The following COG6 variants were observed in gnomAD, a reference collection of about 807,000 sequenced individuals.
COG6 encodes the protein component of oligomeric golgi complex 6, also known as conserved oligomeric Golgi complex subunit 6.
Under a neutral mutation model 88.8 loss-of-function variants are expected in COG6, and 74 were observed. The ratio of observed to expected loss-of-function variants is 0.83; its 90% CI spans 0.69 to 1.01. COG6 has a LOEUF of 1.01. Ranked by LOEUF, COG6 falls within the 50% of genes least tolerant of loss-of-function variation. COG6 has a pLI of 0.00. For synonymous variants in COG6, 286 were observed against 278.7 expected (o/e 1.03, Z -0.26); for missense variants, 800 against 797.9 (o/e 1.00, Z -0.03).
At chr13:39,682,384 A>G (rs1449622865) in intron 8 of COG6, 120 bp downstream of exon 8, 1 of 670,418 alleles carries the variant, frequency 1.5e-6, no homozygotes, top group Non-Finnish European at 2.7e-6. Context: ...ATAATTTACA[A>G]CAATACTGTT....
intron 17 of COG6, among the ~76,000 whole-genome samples, chr13:39,726,325 T>G (rs1471733242): frequency 6.6e-6 from 1 of 151,932 alleles, no homozygotes; most frequent in Non-Finnish European, 1.5e-5. Flanking sequence ...TGCTAAGAAT[T>G]GGGATGAAAA....
intron 18 of COG6, among the ~76,000 whole-genome samples, chr13:39,773,899 T>A (rs1881388747): frequency 6.6e-6 from 1 of 150,496 alleles, no homozygotes; most frequent in Non-Finnish European, 1.5e-5. Flanking sequence ...CAATCATGTC[T>A]AAATACTGAC....
intron 18 of COG6, among the ~76,000 whole-genome samples, chr13:39,744,677 T>C (rs1174291928): frequency 6.6e-6 from 1 of 152,144 alleles, no homozygotes; most frequent in Non-Finnish European, 1.5e-5. Context: ...ATGGCCATAC[T>C]ACCCAAGATA....
intron 5 of COG6, 25 bp downstream of exon 5, chr13:39,677,604 A>G: frequency 2.1e-6 from 3 of 1,401,782 alleles, no homozygotes; most frequent in East Asian, 4.6e-5. Flanking sequence ...TGTTATAATC[A>G]TTTAAAGTTT....
intron 8 of COG6, among the ~76,000 whole-genome samples, chr13:39,686,822 C>T (rs981716884): frequency 2.4e-4 from 37 of 152,074 alleles, no homozygotes; most frequent in African/African-American, 8.7e-4. Flanking sequence ...CTGAACCTCA[C>T]GGGCTCAAGT....
intron 18 of COG6, among the ~76,000 whole-genome samples, chr13:39,729,752 A>G (rs952749541): frequency 6.6e-6 from 1 of 152,204 alleles, no homozygotes; most frequent in Admixed American, 6.5e-5. Context: ...GCATTTTCAC[A>G]CTTTTTTGAA....
chr13:39,709,699 A>G (rs941367826), intron 13 of COG6, among the ~76,000 whole-genome samples: 1 of 152,012 alleles, frequency 6.6e-6, no homozygotes, highest in African/African-American at 2.4e-5. Flanking sequence ...GTGTGTGTGT[A>G]TATGTGATAT....
At chr13:39,741,951 A>G (rs964932118) in intron 18 of COG6, among the ~76,000 whole-genome samples, 3 of 152,208 alleles carry the variant, frequency 2.0e-5, no homozygotes, top group African/African-American at 4.8e-5. Flanking sequence ...TCAATATTCA[A>G]CATTCTTAAA....
At chr13:39,736,205 CTT>C (rs1324223543) in intron 18 of COG6, among the ~76,000 whole-genome samples, 1 of 150,050 alleles carries the variant, frequency 6.7e-6, no homozygotes, top group Non-Finnish European at 1.5e-5. Flanking sequence ...ATTCCTTTTT[CTT>C]TTGTCTCCTC....
Position 39,752,261 on chromosome 13 carries a change from A to C in COG6, c.*1168A>C, listed in dbSNP as rs1880681093. The stretch of plus-strand genomic sequence containing the variant: ...ACTAGTTTGAAATATTTTGAAAAGT[A>C]ATAACATAAAACTAGTATTTGTAGA... On this transcript the variant is annotated 3_prime_UTR_variant, in exon 19 of 19. Transcript: ENST00000455146. 1 of 957,026 alleles carries C rather than the reference A, an allele frequency of 1.0e-6. No homozygotes were observed. The highest frequency in any genetic ancestry group is 1.4e-6 in the Non-Finnish European group (1 of 730,090). The allele number at this position is 957,026 out of a possible 1,614,324, so 59.3% of individuals were successfully genotyped here.
chr13:39,687,316 T>C (rs1876705914), intron 8 of COG6, among the ~76,000 whole-genome samples, 187 bp from the exon 9 acceptor site: 1 of 152,112 alleles, frequency 6.6e-6, no homozygotes, highest in Admixed American at 6.5e-5. Flanking sequence ...TTTGATTGAA[T>C]TTTCAATGAG....
At chr13:39,771,762 G>T (rs1288618137) in intron 18 of COG6, among the ~76,000 whole-genome samples, 2 of 152,214 alleles carry the variant, frequency 1.3e-5, no homozygotes, top group East Asian at 3.8e-4. Context: ...TGATCTTATG[G>T]TTATTAAAAA....
At chr13:39,713,521 G>C (rs1471964148) in intron 13 of COG6, among the ~76,000 whole-genome samples, 1 of 152,136 alleles carries the variant, frequency 6.6e-6, no homozygotes, top group Non-Finnish European at 1.5e-5. Flanking sequence ...GGATCACGAG[G>C]TCAAGAGATC....
chr13:39,748,360 A>G (rs573559037), intron 18 of COG6, among the ~76,000 whole-genome samples: 2 of 152,296 alleles, frequency 1.3e-5, no homozygotes, highest in South Asian at 2.1e-4. Context: ...CATGCCTGTA[A>G]TCCCAGCACT....
intron 12 of COG6, 29 bp downstream of exon 12, chr13:39,694,754 A>G (rs908198381): frequency 1.7e-6 from 2 of 1,177,430 alleles, no homozygotes; most frequent in Admixed American, 1.8e-5. Context: ...TGTGCTTGCT[A>G]AATCCAATGT....
At position 39,729,172 on chromosome 13, in the gene COG6, C is replaced by A. The variant is rs985164635; in HGVS notation, c.1826+1624C>A. On this transcript the variant is annotated intron_variant, in intron 18 of 18. Coordinates refer to ENST00000455146, the MANE Select transcript of COG6 (RefSeq NM_020751.3). ...GCTCAGATGCTGTGAAGCAGGGGTC[C>A]CCAACCCCGGGCCAGGGACCCTGGT... Among the ~76,000 whole-genome samples, 177 of 152,162 alleles carry A rather than the reference C, an allele frequency of 1.2e-3. 3 individuals are homozygous for A. Among genetic ancestry groups the A allele is most frequent in the Admixed American group, 0.012 (176 of 15,294 alleles).
chr13:39,740,754 A>G (rs1244560625), intron 18 of COG6, among the ~76,000 whole-genome samples: 2 of 152,162 alleles, frequency 1.3e-5, no homozygotes, highest in Non-Finnish European at 2.9e-5. Flanking sequence ...AATTGTCTTG[A>G]CCCATTGTGA....
intron 18 of COG6, among the ~76,000 whole-genome samples, chr13:39,762,065 C>T (rs537447402): frequency 1.3e-4 from 20 of 151,754 alleles, no homozygotes; most frequent in Admixed American, 2.0e-4. Context: ...ATTTTTACTC[C>T]AATGTTTATT....
At chr13:39,683,968 G>C (rs1876475095) in intron 8 of COG6, among the ~76,000 whole-genome samples, 1 of 152,120 alleles carries the variant, frequency 6.6e-6, no homozygotes, top group African/African-American at 2.4e-5. Flanking sequence ...GATAATAATA[G>C]TGCCTATTTT....
Sources: allele counts gnomAD v4.1 joint callset (sites outside exome capture counted in the v4.1 genomes callset), GRCh38; gene constraint gnomAD v4.1.1; transcripts MANE v1.5; gene names NCBI Gene and HGNC (gene_info 2026-07-23, HGNC 2026-07-21).